The following FOXN2 variants were observed in gnomAD, a reference collection of about 807,000 sequenced individuals.
The protein encoded by FOXN2 is forkhead box protein N2.
Under a neutral mutation model 41.2 loss-of-function variants are expected in FOXN2, and 19 were observed. The ratio of observed to expected loss-of-function variants is 0.46; its 90% CI spans 0.32 to 0.68. The LOEUF (loss-of-function observed/expected upper bound fraction) is 0.68. Ranked by LOEUF, FOXN2 falls within the 30% of genes least tolerant of loss-of-function variation. The pLI, the probability that FOXN2 is intolerant of heterozygous loss-of-function variation, is 0.03. For missense variants in FOXN2, 587 were observed against 509.4 expected (o/e 1.15, Z -1.47); for synonymous variants, 195 against 176.8 (o/e 1.10, Z -0.82).
intron 5 of FOXN2, among the ~76,000 whole-genome samples, chr2:48,369,964 C>T (rs1396715147): frequency 6.6e-6 from 1 of 151,532 alleles, no homozygotes; most frequent in Non-Finnish European, 1.5e-5. Context: ...TGTGTCACTA[C>T]ACTCCAGCCT....
intron 2 of FOXN2, among the ~76,000 whole-genome samples, chr2:48,333,818 TATAC>T (rs1189391465): frequency 2.6e-5 from 4 of 152,190 alleles, no homozygotes; most frequent in Non-Finnish European, 5.9e-5. Flanking sequence ...TTACTGTAAA[TATAC>T]ATTTTGCCAC....
chr2:48,322,141 T>C (rs1200233886), intron 1 of FOXN2, among the ~76,000 whole-genome samples: 1 of 152,152 alleles, frequency 6.6e-6, no homozygotes, highest in Non-Finnish European at 1.5e-5. Context: ...AGAGATGGGG[T>C]TTCACCGTGT....
chr2:48,338,141 A>G (rs549486720), intron 2 of FOXN2, among the ~76,000 whole-genome samples: 121 of 152,326 alleles, frequency 7.9e-4, no homozygotes, highest in African/African-American at 2.8e-3. Flanking sequence ...TAAGTTAGAA[A>G]TAGGTAACAC....
At chr2:48,334,892 G>GA (rs913013238) in intron 2 of FOXN2, among the ~76,000 whole-genome samples, 23 of 152,004 alleles carry the variant, frequency 1.5e-4, no homozygotes, top group Non-Finnish European at 2.9e-5. Flanking sequence ...ACTGCAAATC[G>GA]AAAAAATGTC....
In FOXN2 at chr2:48,362,687, A is replaced by T; in HGVS notation, c.683A>T (p.Asn228Ile). 6.2e-7 allele frequency: 1 copy of T among 1,614,030 alleles called. No individual in the cohort carries two copies. Among genetic ancestry groups the T allele is most frequent in the Non-Finnish European group, 8.5e-7 (1 of 1,179,946 alleles). ...TATTTAAGCTCTGTAATCAAGCAGA[A>T]CCAGGTGCGAAACCTCAAAGGTATG... ...PHYLSSVIKQ[N>I]QVRNLKESDI... The change falls in exon 5 of 7, where the codon AAC becomes ATC. Residue 228 changes from asparagine (N) to isoleucine (I), a missense_variant. Asn to Ile is a moderately radical substitution (Grantham distance 149, BLOSUM62 -3). Transcript: ENST00000340553.
At chr2:48,336,457 GTA>G (rs775323322) in intron 2 of FOXN2, among the ~76,000 whole-genome samples, 15,714 of 148,896 alleles carry the variant, frequency 0.11, 900 homozygotes, top group African/African-American at 0.14. Context: ...GTGTGTGTGT[GTA>G]TATATATTTA....
At chr2:48,373,208 TG>T in intron 5 of FOXN2, 83 bp from the exon 6 acceptor site, 1 of 913,348 alleles carries the variant, frequency 1.1e-6, no homozygotes, top group Non-Finnish European at 1.7e-6. Context: ...ATTGTAACGC[TG>T]GTTATCTTCA....
intron 5 of FOXN2, among the ~76,000 whole-genome samples, chr2:48,366,332 C>T (rs972600242): frequency 1.0e-4 from 15 of 147,504 alleles, no homozygotes; most frequent in African/African-American, 3.8e-4. Flanking sequence ...GCACTCCAGC[C>T]TAGGTGACAG....
At chr2:48,373,706 A>G (rs1673054243) in intron 6 of FOXN2, among the ~76,000 whole-genome samples, 1 of 152,208 alleles carries the variant, frequency 6.6e-6, no homozygotes, top group Non-Finnish European at 1.5e-5. Context: ...TTTAAGATAC[A>G]AAATGCAAAA....
intron 1 of FOXN2, among the ~76,000 whole-genome samples, chr2:48,323,077 C>G (rs1669440264): frequency 6.6e-6 from 1 of 151,936 alleles, no homozygotes; most frequent in South Asian, 2.1e-4. Flanking sequence ...TAGGAGCTTA[C>G]TTTCCCCAAA....
chr2:48,329,488 A>T (rs993095537), intron 2 of FOXN2, among the ~76,000 whole-genome samples: 1 of 151,838 alleles, frequency 6.6e-6, no homozygotes, highest in African/African-American at 2.4e-5. Context: ...CAGATCTTTG[A>T]CCCTTTTGTA....
chr2:48,375,327 G>A lies in FOXN2; in HGVS notation c.1180G>A (p.Asp394Asn). The change falls in exon 7 of 7, where the codon GAT becomes AAT. Residue 394 changes from aspartate (D) to asparagine (N), a missense_variant. By Grantham distance (23) the Asp-to-Asn change is conservative. Transcript: ENST00000340553. The stretch of plus-strand genomic sequence containing the variant: ...GCGAAAACAGACATGTCAAGAAATT[G>A]ATGAGGAGCTCAAAGAGGCAGCTGG... ...KMRKQTCQEIDEELKEAAGSL... is the reference protein window; with the variant it reads ...KMRKQTCQEINEELKEAAGSL... 1 of 1,613,768 alleles carries A rather than the reference G, an allele frequency of 6.2e-7. No individual in the cohort carries two copies. The highest frequency in any genetic ancestry group is 8.5e-7 in the Non-Finnish European group (1 of 1,179,886).
At chr2:48,327,000 C>T (rs970812044) in intron 1 of FOXN2, among the ~76,000 whole-genome samples, 2 of 152,012 alleles carry the variant, frequency 1.3e-5, no homozygotes, top group Non-Finnish European at 2.9e-5. Flanking sequence ...TAATGTTGAC[C>T]TAGGCTATAG....
At chr2:48,351,394 TTAATCA>T (rs1391437834) in intron 3 of FOXN2, among the ~76,000 whole-genome samples, 2 of 152,128 alleles carry the variant, frequency 1.3e-5, no homozygotes, top group African/African-American at 4.8e-5. Context: ...AGGCAAACAG[TTAATCA>T]TAATACGATA....
rs796970872 is a variant in FOXN2, at chr2:48,358,125, A to G, written c.538-922A>G. Among the ~76,000 whole-genome samples the G allele has an allele frequency of 9.2e-5, 14 of 151,778 alleles. 1 individual carries two copies. The highest frequency in any genetic ancestry group is 2.7e-4 in the African/African-American group (11 of 41,382). ...AATTAATTTTATCCCGTTTTTTTTT[A>G]CCACCTAACTTTTGCCTTTTATTCA... is the stretch of plus-strand genomic sequence containing the variant. On this transcript the variant is annotated intron_variant, in intron 3 of 6. Transcript: ENST00000340553.
Position 48,377,490 on chromosome 2 carries a change from A to G in FOXN2, c.*2047A>G, listed in dbSNP as rs970425290. ...GTGCTACCTGGTTTTTGTCCATTAG[A>G]TAATTACTCTTTATAAGGAAAGGAA... is the stretch of plus-strand genomic sequence containing the variant. On this transcript the variant is annotated 3_prime_UTR_variant, in exon 7 of 7. Coordinates refer to ENST00000340553, the MANE Select transcript of FOXN2 (RefSeq NM_002158.4). The G allele has an allele frequency of 2.6e-5, 4 of 152,042 alleles. No homozygotes were observed. The highest frequency in any genetic ancestry group is 9.6e-5 in the African/African-American group (4 of 41,458). The allele number at this position is 152,042 out of a possible 1,614,324, so 9.4% of individuals were successfully genotyped here. A position where few individuals can be genotyped will look rare whatever the true frequency, so the allele number is the denominator to read the frequency against.
In FOXN2 at chr2:48,375,579, G is replaced by C; in HGVS notation, c.*136G>C. Reference sequence around the variant, plus strand: ...TCTTTCAAAACATTTTTGGTTTTTGGTTTTTAAAATTTTTATTAAACAATT... The same window carrying C: ...TCTTTCAAAACATTTTTGGTTTTTGCTTTTTAAAATTTTTATTAAACAATT... On this transcript the variant is annotated 3_prime_UTR_variant, in exon 7 of 7. Transcript: ENST00000340553. 1 of 939,732 alleles carries C rather than the reference G, an allele frequency of 1.1e-6. No homozygotes were observed. The highest frequency in any genetic ancestry group is 1.9e-5 in the South Asian group (1 of 53,284). 58.2% of individuals were successfully genotyped at this position (939,732 alleles called of 1,614,324 possible).
In FOXN2 at chr2:48,375,153, A is replaced by G. The variant is rs1187412368; in HGVS notation, c.1006A>G (p.Asn336Asp). ...TGAGGTATATGAATTTATCCCAAAGAATAGTCACGTGGGAAGTGATGGCAG... is the reference window on the plus strand; with the variant it reads ...TGAGGTATATGAATTTATCCCAAAGGATAGTCACGTGGGAAGTGATGGCAG... The part of the protein sequence containing the change: ...VDEVYEFIPK[N>D]SHVGSDGSEG... Residue 336 changes from asparagine (N) to aspartate (D), a missense_variant, in exon 7 of 7, where the codon AAT becomes GAT. Physicochemically the swap from Asn to Asp is conservative, Grantham distance 23 (BLOSUM62 1). Transcript: ENST00000340553. The G allele has an allele frequency of 6.2e-7, 1 of 1,614,162 alleles. No individual in the cohort carries two copies. The highest frequency in any genetic ancestry group is 1.1e-5 in the South Asian group (1 of 91,086).
At position 48,379,014 on chromosome 2, in the gene FOXN2, C is replaced by G. The variant is rs1419549639; in HGVS notation, c.*3571C>G. On this transcript the variant is annotated 3_prime_UTR_variant, in exon 7 of 7. Transcript: ENST00000340553. ...ATTTTTAAATGAAAGTGTAAGAATGCTTTCTGATTCAACAAATTTGTTATC... is the reference window on the plus strand; with the variant it reads ...ATTTTTAAATGAAAGTGTAAGAATGGTTTCTGATTCAACAAATTTGTTATC... The G allele has an allele frequency of 6.6e-6, 1 of 152,444 alleles. No individual in the cohort carries two copies. The highest frequency in any genetic ancestry group is 1.5e-5 in the Non-Finnish European group (1 of 67,986). The allele number at this position is 152,444 out of a possible 1,614,324, so 9.4% of individuals were successfully genotyped here. A position where few individuals can be genotyped will look rare whatever the true frequency, so the allele number is the denominator to read the frequency against.
Sources: allele counts gnomAD v4.1 joint callset (sites outside exome capture counted in the v4.1 genomes callset), GRCh38; gene constraint gnomAD v4.1.1; transcripts MANE v1.5; gene names NCBI Gene and HGNC (gene_info 2026-07-23, HGNC 2026-07-21).